The following CLSTN2 variants were observed in gnomAD, a reference collection of about 807,000 sequenced individuals.
The protein encoded by CLSTN2 is calsyntenin-2.
CLSTN2 carries 48 observed loss-of-function variants against 101.2 expected under a neutral mutation model. The ratio of observed to expected loss-of-function variants is 0.47; its 90% CI spans 0.38 to 0.60. CLSTN2 has a LOEUF of 0.60. Among genes scored for constraint, CLSTN2 ranks in the 20% least tolerant of loss-of-function variants. The pLI is 0.00. For synonymous variants in CLSTN2, 481 were observed against 463.6 expected (o/e 1.04, Z -0.48); for missense variants, 1,160 against 1,238.2 (o/e 0.94, Z 0.95).
chr3:140,025,759 G>A (rs954777343), intron 1 of CLSTN2, among the ~76,000 whole-genome samples: 1 of 152,230 alleles, frequency 6.6e-6, no homozygotes, highest in African/African-American at 2.4e-5. Flanking sequence ...TTTGCTGAGT[G>A]TACTGCTCTA....
chr3:140,338,096 C>T (rs181900128), intron 2 of CLSTN2, among the ~76,000 whole-genome samples: 40 of 152,074 alleles, frequency 2.6e-4, no homozygotes, highest in Middle Eastern at 3.4e-3. Flanking sequence ...TGAGTTGGGC[C>T]CAGGAATCTG....
intron 2 of CLSTN2, among the ~76,000 whole-genome samples, chr3:140,342,461 T>G (rs1233650593): frequency 6.6e-6 from 1 of 152,052 alleles, no homozygotes; most frequent in Non-Finnish European, 1.5e-5. Flanking sequence ...GCTTGGGGTC[T>G]GGAAGATACA....
chr3:140,379,678 T>C (rs1274818368), intron 2 of CLSTN2, among the ~76,000 whole-genome samples: 2 of 152,238 alleles, frequency 1.3e-5, no homozygotes, highest in African/African-American at 2.4e-5. Context: ...TAGGAATTCA[T>C]CATCATTTTG....
intron 4 of CLSTN2, among the ~76,000 whole-genome samples, chr3:140,417,923 T>A (rs1235943506): frequency 6.6e-6 from 1 of 152,194 alleles, no homozygotes; most frequent in African/African-American, 2.4e-5. Context: ...GTGGAGAAGG[T>A]AAATTAGTTT....
chr3:140,546,441 T>G (rs1224305204), intron 9 of CLSTN2, 74 bp from the exon 10 acceptor site: 1 of 1,491,920 alleles, frequency 6.7e-7, no homozygotes, highest in East Asian at 2.3e-5. Context: ...TTTGGCTGCA[T>G]GGCCAAGTGG....
At chr3:140,528,933 TCTTGCAGCAC>T (rs1162058774) in intron 8 of CLSTN2, among the ~76,000 whole-genome samples, 1 of 152,210 alleles carries the variant, frequency 6.6e-6, no homozygotes, top group Non-Finnish European at 1.5e-5. Context: ...CTTCTGTATC[TCTTGCAGCAC>T]CTAGTAGACA....
intron 2 of CLSTN2, among the ~76,000 whole-genome samples, chr3:140,371,007 G>A (rs1363923337): frequency 6.6e-6 from 1 of 152,128 alleles, no homozygotes; most frequent in East Asian, 1.9e-4. Context: ...TGCAGAGTTT[G>A]AGCCTCATAA....
At chr3:140,509,929 ATAAGCCCATCG>A (rs1455227387) in intron 8 of CLSTN2, among the ~76,000 whole-genome samples, 1 of 152,228 alleles carries the variant, frequency 6.6e-6, no homozygotes, top group Non-Finnish European at 1.5e-5. Flanking sequence ...TTGTTTTCCA[ATAAGCCCATCG>A]TAAGTTGAAA....
chr3:139,962,013 AG>A (rs1326318952), intron 1 of CLSTN2, among the ~76,000 whole-genome samples: 3 of 152,126 alleles, frequency 2.0e-5, no homozygotes, highest in Non-Finnish European at 4.4e-5. Context: ...TCAATATGTG[AG>A]TGTACTACAA....
At chr3:140,455,313 T>G (rs1317235671) in intron 6 of CLSTN2, among the ~76,000 whole-genome samples, 1 of 152,232 alleles carries the variant, frequency 6.6e-6, no homozygotes, top group East Asian at 1.9e-4. Flanking sequence ...TCAGTCACTC[T>G]TGCCATAGGC....
intron 8 of CLSTN2, among the ~76,000 whole-genome samples, chr3:140,480,267 A>G (rs1000476350): frequency 3.0e-4 from 45 of 152,328 alleles, no homozygotes; most frequent in African/African-American, 8.4e-4. Context: ...CCTACAAAGG[A>G]CATGAACTCA....
At chr3:140,292,253 C>T (rs1320325941) in intron 2 of CLSTN2, among the ~76,000 whole-genome samples, 1 of 152,204 alleles carries the variant, frequency 6.6e-6, no homozygotes, top group African/African-American at 2.4e-5. Context: ...GCTGCTCCTC[C>T]TCCTGGGAGC....
chr3:140,384,799 C>G (rs1576542948), intron 2 of CLSTN2, among the ~76,000 whole-genome samples: 2 of 152,194 alleles, frequency 1.3e-5, no homozygotes, highest in Non-Finnish European at 2.9e-5. Flanking sequence ...ATGGATTTTC[C>G]TGACACTTTC....
intron 1 of CLSTN2, among the ~76,000 whole-genome samples, chr3:140,010,219 A>G (rs191125906): frequency 5.1e-4 from 78 of 152,248 alleles, no homozygotes; most frequent in Non-Finnish European, 7.6e-4. Flanking sequence ...TTTTATTTTC[A>G]TTTCTATCTT....
At chr3:140,307,636 C>A (rs1472270164) in intron 2 of CLSTN2, among the ~76,000 whole-genome samples, 1 of 152,096 alleles carries the variant, frequency 6.6e-6, no homozygotes, top group African/African-American at 2.4e-5. Flanking sequence ...TAGAGGGTAC[C>A]CATTAAATGT....
intron 9 of CLSTN2, among the ~76,000 whole-genome samples, chr3:140,538,522 G>A (rs1044962368): frequency 3.3e-5 from 5 of 152,206 alleles, no homozygotes; most frequent in Admixed American, 6.5e-5. Flanking sequence ...AGTAACGTAC[G>A]ATTTGTGGGT....
chr3:139,980,581 C>T (rs1473180511), intron 1 of CLSTN2, among the ~76,000 whole-genome samples: 1 of 152,128 alleles, frequency 6.6e-6, no homozygotes, highest in Admixed American at 6.6e-5. Context: ...TCATCACTCT[C>T]TCTTTCCTTC....
At chr3:140,163,791 T>C (rs536983839) in intron 1 of CLSTN2, among the ~76,000 whole-genome samples, 220 of 151,272 alleles carry the variant, frequency 1.5e-3, no homozygotes, top group Non-Finnish European at 2.3e-3. Flanking sequence ...CCTGCAGGGG[T>C]GCTTGTGAGA....
chr3:140,327,645 C>G (rs77539419), intron 2 of CLSTN2, among the ~76,000 whole-genome samples: 4,291 of 152,278 alleles, frequency 0.028, 209 homozygotes, highest in African/African-American at 0.096. Flanking sequence ...TGACAAACAG[C>G]TGTGTGATCT....
Sources: allele counts gnomAD v4.1 joint callset (sites outside exome capture counted in the v4.1 genomes callset), GRCh38; gene constraint gnomAD v4.1.1; transcripts MANE v1.5; gene names NCBI Gene and HGNC (gene_info 2026-07-23, HGNC 2026-07-21).